The following ESRRG variants were observed in gnomAD, a reference collection of about 807,000 sequenced individuals.
ESRRG encodes estrogen related receptor gamma.
A neutral mutation model predicts 44.0 loss-of-function variants in ESRRG; 13 were observed. That is an observed-to-expected ratio of 0.30 (90% CI 0.19 to 0.47). The LOEUF (loss-of-function observed/expected upper bound fraction) is 0.47. Ranked by LOEUF, ESRRG falls within the 20% of genes least tolerant of loss-of-function variation. ESRRG has a pLI of 1.00. For synonymous variants in ESRRG, 215 were observed against 214.6 expected, an observed-to-expected ratio of 1.00 and a Z score of -0.02; for missense variants, 395 against 580.6, an observed-to-expected ratio of 0.68 and a Z score of 3.29.
intron 2 of ESRRG, among the ~76,000 whole-genome samples, chr1:216,924,306 A>T (rs2062223872): frequency 6.6e-6 from 1 of 152,166 alleles, no homozygotes. Context: ...CTCTATCCTA[A>T]CATGCAGATT....
intron 2 of ESRRG, among the ~76,000 whole-genome samples, chr1:216,666,892 A>G (rs1051732790): frequency 2.0e-5 from 3 of 152,190 alleles, no homozygotes; most frequent in African/African-American, 7.2e-5. Context: ...GAGCTCAGAG[A>G]CTTAACAGGT....
At chr1:216,900,330 A>G (rs2058922828) in intron 2 of ESRRG, among the ~76,000 whole-genome samples, 1 of 152,108 alleles carries the variant, frequency 6.6e-6, no homozygotes, top group South Asian at 2.1e-4. Context: ...GACAAATAAA[A>G]AACCCTAAAT....
intron 1 of ESRRG, among the ~76,000 whole-genome samples, chr1:217,010,971 G>A (rs1025371374): frequency 6.6e-6 from 1 of 152,112 alleles, no homozygotes; most frequent in Non-Finnish European, 1.5e-5. Flanking sequence ...TAGACAGGTT[G>A]CAGCACCAAT....
At chr1:216,585,056 T>C (rs2063508176) in intron 3 of ESRRG, among the ~76,000 whole-genome samples, 1 of 152,202 alleles carries the variant, frequency 6.6e-6, no homozygotes, top group South Asian at 2.1e-4. Flanking sequence ...CATTCATCTA[T>C]CAATACGTGT....
chr1:216,791,743 G>A (rs528349700), intron 2 of ESRRG, among the ~76,000 whole-genome samples: 3 of 152,220 alleles, frequency 2.0e-5, no homozygotes, highest in African/African-American at 7.2e-5. Context: ...ACCACTTGGT[G>A]AATAAAAATT....
intron 2 of ESRRG, among the ~76,000 whole-genome samples, chr1:216,674,830 C>G (rs1053859761): frequency 6.6e-6 from 1 of 151,902 alleles, no homozygotes; most frequent in Non-Finnish European, 1.5e-5. Context: ...AGATTAATCT[C>G]TTGAACTTTT....
At chr1:216,815,996 G>A (rs146821405) in intron 2 of ESRRG, among the ~76,000 whole-genome samples, 109 of 152,224 alleles carry the variant, frequency 7.2e-4, no homozygotes, top group African/African-American at 2.6e-3. Context: ...GATACCAAAT[G>A]GCTCACATGC....
chr1:216,888,327 G>T, intron 2 of ESRRG, among the ~76,000 whole-genome samples: 1 of 152,086 alleles, frequency 6.6e-6, no homozygotes, highest in Admixed American at 6.5e-5. Context: ...CCTTCAAATT[G>T]TAGTAATCTC....
At chr1:216,659,928 T>C (rs904894103) in intron 2 of ESRRG, among the ~76,000 whole-genome samples, 1 of 152,158 alleles carries the variant, frequency 6.6e-6, no homozygotes, top group Non-Finnish European at 1.5e-5. Context: ...CAATGACCCA[T>C]AGGAAACATT....
At chr1:216,551,231 T>C (rs888365831) in intron 5 of ESRRG, among the ~76,000 whole-genome samples, 3 of 152,152 alleles carry the variant, frequency 2.0e-5, no homozygotes. Flanking sequence ...GTAAAGCTTA[T>C]CATATAGTAG....
At chr1:216,524,568 G>A (rs1246420317) in intron 5 of ESRRG, among the ~76,000 whole-genome samples, 1 of 151,918 alleles carries the variant, frequency 6.6e-6, no homozygotes, top group Non-Finnish European at 1.5e-5. Context: ...TCACAATTGG[G>A]TGAAATGTAA....
At chr1:216,827,904 T>C (rs973860090) in intron 2 of ESRRG, among the ~76,000 whole-genome samples, 16 of 152,210 alleles carry the variant, frequency 1.1e-4, no homozygotes, top group Non-Finnish European at 1.3e-4. Context: ...GCATTTGAAT[T>C]AGGGTTTTGA....
At chr1:216,861,747 A>T (rs2096058651) in intron 2 of ESRRG, among the ~76,000 whole-genome samples, 1 of 152,162 alleles carries the variant, frequency 6.6e-6, no homozygotes, top group Non-Finnish European at 1.5e-5. Context: ...TGTTGTGAGA[A>T]GGAAAAGACA....
chr1:216,816,880 T>C (rs2095154614), intron 2 of ESRRG, among the ~76,000 whole-genome samples: 1 of 152,206 alleles, frequency 6.6e-6, no homozygotes, highest in African/African-American at 2.4e-5. Flanking sequence ...GTGGGGCATC[T>C]ATCACGGTTT....
chr1:216,704,125 G>A (rs1379391557), intron 1 of ESRRG, among the ~76,000 whole-genome samples: 1 of 152,126 alleles, frequency 6.6e-6, no homozygotes, highest in African/African-American at 2.4e-5. Context: ...TTTAAATGAA[G>A]GCTAGCACTT....
In ESRRG at chr1:217,051,981, G is replaced by C. The variant is rs76789826; in HGVS notation, c.-106+37526C>G. Among the ~76,000 whole-genome samples the C allele has an allele frequency of 6.2e-3, 941 of 151,316 alleles. 15 individuals carry two copies. The highest frequency in any genetic ancestry group is 0.021 in the African/African-American group (875 of 41,230). ...AGACAGGGTCTTGCTATGTTCCCCA[G>C]GCTGACCTCAAACTCCTGGGCTCAA... is the stretch of plus-strand genomic sequence containing the variant. On this transcript the variant is annotated intron_variant, in intron 1 of 7. Transcript: ENST00000359162.
chr1:216,617,644 T>G (rs2061600462), intron 3 of ESRRG, among the ~76,000 whole-genome samples: 2 of 152,336 alleles, frequency 1.3e-5, no homozygotes, highest in South Asian at 4.1e-4. Context: ...AATAGCATGT[T>G]GATAACAGAA....
intron 2 of ESRRG, among the ~76,000 whole-genome samples, chr1:216,845,757 A>G (rs2095735934): frequency 6.6e-6 from 1 of 152,160 alleles, no homozygotes; most frequent in Admixed American, 6.6e-5. Flanking sequence ...TTCAGGCATC[A>G]TATTCTCCCA....
intron 1 of ESRRG, chr1:216,701,650 C>T (rs1387007029): frequency 1.3e-5 from 2 of 152,320 alleles, no homozygotes; most frequent in East Asian, 3.9e-4. Context: ...TAAATACCAC[C>T]CTATTTATTA....
Sources: gnomAD v4.1 joint callset for allele counts (sites outside exome capture counted in the v4.1 genomes callset) on GRCh38, gnomAD v4.1.1 for gene constraint, MANE v1.5 for transcripts, NCBI Gene and HGNC (gene_info 2026-07-23, HGNC 2026-07-21) for gene names.